ABCC4: variants seen among roughly 807,000 people sequenced by gnomAD.
ABCC4 encodes ATP-binding cassette sub-family C member 4.
A neutral mutation model predicts 168.5 loss-of-function variants in ABCC4; 102 were observed. The ratio of observed to expected loss-of-function variants is 0.61; its 90% CI spans 0.52 to 0.71. ABCC4 has a LOEUF of 0.71. ABCC4 is among the 30% of genes least tolerant of loss of function. ABCC4 has a pLI of 0.00. For missense variants in ABCC4, 1,402 were observed against 1,605.8 expected (o/e 0.87, Z 2.17); for synonymous variants, 617 against 590.7 (o/e 1.04, Z -0.65).
chr13:95,216,501 G>A (rs1318832226), intron 4 of ABCC4, among the ~76,000 whole-genome samples: 1 of 149,450 alleles, frequency 6.7e-6, no homozygotes, highest in Non-Finnish European at 1.5e-5. Flanking sequence ...ACACATCCCA[G>A]ACCCAAAATA....
chr13:95,198,294 G>A (rs965042071), intron 8 of ABCC4, among the ~76,000 whole-genome samples: 5 of 152,042 alleles, frequency 3.3e-5, no homozygotes, highest in Non-Finnish European at 5.9e-5. Flanking sequence ...AAAAGTGAGC[G>A]AAGGATATGA....
At chr13:95,252,293 G>A (rs1566570673) in intron 1 of ABCC4, among the ~76,000 whole-genome samples, 1 of 152,226 alleles carries the variant, frequency 6.6e-6, no homozygotes, top group Non-Finnish European at 1.5e-5. Flanking sequence ...ACGAAATGGT[G>A]AAGAGTATAT....
intron 1 of ABCC4, among the ~76,000 whole-genome samples, chr13:95,294,077 A>T (rs2041467685): frequency 6.6e-6 from 1 of 152,064 alleles, no homozygotes; most frequent in African/African-American, 2.4e-5. Context: ...ACAAGCCCTG[A>T]TTCTCAATGG....
chr13:95,265,447 A>G (rs980559694), intron 1 of ABCC4, among the ~76,000 whole-genome samples: 1 of 152,196 alleles, frequency 6.6e-6, no homozygotes, highest in African/African-American at 2.4e-5. Flanking sequence ...AAAAAGATTA[A>G]AAGTATAAAA....
chr13:95,247,225 G>T, intron 2 of ABCC4, 130 bp from the exon 3 acceptor site: 1 of 992,030 alleles, frequency 1.0e-6, no homozygotes, highest in Non-Finnish European at 1.5e-6. Flanking sequence ...GCTACTAATT[G>T]CTCCCAGGGC....
At chr13:95,247,607 G>T in intron 2 of ABCC4, 36 bp downstream of exon 2, 1 of 1,529,214 alleles carries the variant, frequency 6.5e-7, no homozygotes. Context: ...AGACACCCAC[G>T]CTTCCTTAAT....
At chr13:95,038,470 G>A (rs1359836034) in intron 29 of ABCC4, among the ~76,000 whole-genome samples, 1 of 150,726 alleles carries the variant, frequency 6.6e-6, no homozygotes, top group Admixed American at 6.6e-5. Context: ...AGCAGCAGAA[G>A]TCACCTCTGG....
chr13:95,169,737 A>AT (rs1350067618), intron 14 of ABCC4, among the ~76,000 whole-genome samples: 1 of 152,190 alleles, frequency 6.6e-6, no homozygotes, highest in Non-Finnish European at 1.5e-5. Flanking sequence ...GCTCTCACAC[A>AT]TATCAGGCAC....
At chr13:95,112,510 T>C (rs1309202762) in intron 20 of ABCC4, among the ~76,000 whole-genome samples, 1 of 152,196 alleles carries the variant, frequency 6.6e-6, no homozygotes, top group Admixed American at 6.5e-5. Context: ...TTTATGAAGA[T>C]ACCTAACTTT....
intron 19 of ABCC4, among the ~76,000 whole-genome samples, chr13:95,133,029 G>A (rs924724829): frequency 3.3e-5 from 5 of 151,212 alleles, no homozygotes; most frequent in African/African-American, 4.9e-5. Context: ...TGTACTTAAC[G>A]TCACCAAACT....
chr13:95,243,897 T>TAA (rs11412332), intron 3 of ABCC4, among the ~76,000 whole-genome samples: 100 of 142,204 alleles, frequency 7.0e-4, no homozygotes, highest in African/African-American at 1.3e-3. Flanking sequence ...GACGAAAACA[T>TAA]AAAAAAAAAA....
At chr13:95,271,800 G>T (rs1426954463) in intron 1 of ABCC4, among the ~76,000 whole-genome samples, 1 of 152,126 alleles carries the variant, frequency 6.6e-6, no homozygotes, top group Non-Finnish European at 1.5e-5. Flanking sequence ...AGACAAGCAG[G>T]ATTCCCTGGG....
intron 3 of ABCC4, among the ~76,000 whole-genome samples, chr13:95,235,783 C>A (rs1002036234): frequency 2.6e-5 from 4 of 152,248 alleles, no homozygotes; most frequent in South Asian, 4.1e-4. Flanking sequence ...TATGTTTCTG[C>A]CCCCTACAAG....
At chr13:95,300,000 C>A (rs55667930) in intron 1 of ABCC4, among the ~76,000 whole-genome samples, 2 of 152,174 alleles carry the variant, frequency 1.3e-5, no homozygotes, top group African/African-American at 4.8e-5. Context: ...CTCCACCACA[C>A]CCGGCTAATT....
chr13:95,157,277 G>A (rs974547391), intron 19 of ABCC4, among the ~76,000 whole-genome samples: 1 of 150,564 alleles, frequency 6.6e-6, no homozygotes, highest in Non-Finnish European at 1.5e-5. Flanking sequence ...GGCTTCTTGG[G>A]AAAACTGCTA....
chr13:95,120,068 T>G (rs546669388), intron 19 of ABCC4, among the ~76,000 whole-genome samples: 3 of 151,840 alleles, frequency 2.0e-5, no homozygotes, highest in Non-Finnish European at 4.4e-5. Context: ...CTCAAGATTT[T>G]GAGGTTCACC....
chr13:95,210,479 T>C (rs943424978), intron 5 of ABCC4, among the ~76,000 whole-genome samples: 2 of 152,176 alleles, frequency 1.3e-5, no homozygotes, highest in Non-Finnish European at 2.9e-5. Context: ...AATTAGCTGT[T>C]CACGGTGATG....
At chr13:95,032,184 C>T (rs2031905473) in intron 30 of ABCC4, among the ~76,000 whole-genome samples, 1 of 152,194 alleles carries the variant, frequency 6.6e-6, no homozygotes, top group Non-Finnish European at 1.5e-5. Context: ...AAATTCAGAA[C>T]ACAGATTTTT....
At chr13:95,107,943 AAAAG>A (rs1346576638) in intron 20 of ABCC4, among the ~76,000 whole-genome samples, 1 of 152,298 alleles carries the variant, frequency 6.6e-6, no homozygotes, top group South Asian at 2.1e-4. Flanking sequence ...CATCTCAAAA[AAAAG>A]AAAGAAAGAA....
Sources: gnomAD v4.1 joint callset for allele counts (sites outside exome capture counted in the v4.1 genomes callset) on GRCh38, gnomAD v4.1.1 for gene constraint, MANE v1.5 for transcripts, NCBI Gene and HGNC (gene_info 2026-07-23, HGNC 2026-07-21) for gene names.